SORCS1: variants seen among roughly 807,000 people sequenced by gnomAD.
SORCS1 encodes VPS10 domain-containing receptor SorCS1.
In SORCS1, 60 loss-of-function variants were observed where a neutral mutation model predicts 146.1. That is an observed-to-expected ratio of 0.41 (90% CI 0.33 to 0.51). SORCS1 has a LOEUF of 0.51. Ranked by LOEUF, SORCS1 falls within the 20% of genes least tolerant of loss-of-function variation. The pLI, the probability that SORCS1 is intolerant of heterozygous loss-of-function variation, is 0.21. For synonymous variants in SORCS1, 637 were observed against 584.0 expected, an observed-to-expected ratio of 1.09 and a Z score of -1.31; for missense variants, 1,352 against 1,487.6, an observed-to-expected ratio of 0.91 and a Z score of 1.50.
At chr10:107,102,816 A>G (rs1475180711) in intron 1 of SORCS1, among the ~76,000 whole-genome samples, 1 of 152,226 alleles carries the variant, frequency 6.6e-6, no homozygotes, top group Non-Finnish European at 1.5e-5. Context: ...ATAAAATATA[A>G]TGTAAAAATC....
intron 3 of SORCS1, among the ~76,000 whole-genome samples, chr10:106,796,896 T>A (rs1276824517): frequency 6.6e-6 from 1 of 152,132 alleles, no homozygotes; most frequent in Non-Finnish European, 1.5e-5. Context: ...GATTACGAAG[T>A]CAGAAGATTG....
intron 12 of SORCS1, 61 bp downstream of exon 12, chr10:106,679,195 C>G: frequency 7.3e-7 from 1 of 1,369,354 alleles, no homozygotes; most frequent in South Asian, 1.3e-5. Flanking sequence ...AGATTTGAAC[C>G]AAGCTGGGCA....
At chr10:106,843,493 G>C (rs1231739383) in intron 2 of SORCS1, among the ~76,000 whole-genome samples, 1 of 148,148 alleles carries the variant, frequency 6.8e-6, no homozygotes, top group South Asian at 2.1e-4. Context: ...GTGCAGTGGC[G>C]CGATCTCGGC....
intron 2 of SORCS1, among the ~76,000 whole-genome samples, chr10:106,923,967 T>C (rs1028531111): frequency 6.6e-6 from 1 of 152,190 alleles, no homozygotes; most frequent in Non-Finnish European, 1.5e-5. Context: ...GGCTTTAAAA[T>C]AATAATCTGG....
chr10:107,065,874 G>A (rs769939874), intron 1 of SORCS1, among the ~76,000 whole-genome samples: 1 of 152,078 alleles, frequency 6.6e-6, no homozygotes, highest in Non-Finnish European at 1.5e-5. Context: ...TGCTAAGGAT[G>A]AGTACTATAA....
chr10:107,002,569 A>C (rs949214326), intron 1 of SORCS1, among the ~76,000 whole-genome samples: 2 of 152,352 alleles, frequency 1.3e-5, no homozygotes, highest in Admixed American at 6.5e-5. Flanking sequence ...AAAACCTGGG[A>C]GAATGTAAGA....
chr10:106,829,435 A>G lies in SORCS1; in HGVS notation c.726+139T>C, dbSNP rs114180332. 2.9e-3 allele frequency: 1,729 copies of G among 591,246 alleles called. 20 individuals are homozygous for G. The highest frequency in any genetic ancestry group is 0.027 in the African/African-American group (1,514 of 55,938). 36.6% of individuals were successfully genotyped at this position (591,246 alleles called of 1,614,324 possible). A position where few individuals can be genotyped will look rare whatever the true frequency, so the allele number is the denominator to read the frequency against. ...ATTATGATGTGTCAGACATTTTACA[A>G]TCTTAACATCCATCAACCCATCTTT... On this transcript the variant is annotated intron_variant, in intron 3 of 25. Coordinates refer to ENST00000263054, the MANE Select transcript of SORCS1 (RefSeq NM_052918.5).
At chr10:106,798,912 G>T (rs539046102) in intron 3 of SORCS1, among the ~76,000 whole-genome samples, 1 of 152,104 alleles carries the variant, frequency 6.6e-6, no homozygotes, top group East Asian at 1.9e-4. Flanking sequence ...AAAAGAGCCC[G>T]CATTGCCAAG....
At chr10:107,162,181 C>A (rs536649813) in intron 1 of SORCS1, among the ~76,000 whole-genome samples, 2 of 152,148 alleles carry the variant, frequency 1.3e-5, no homozygotes, top group Non-Finnish European at 2.9e-5. Context: ...CAAGATCTTT[C>A]AAGAGATGAG....
At chr10:107,040,324 G>C (rs534491766) in intron 1 of SORCS1, among the ~76,000 whole-genome samples, 1 of 152,184 alleles carries the variant, frequency 6.6e-6, no homozygotes, top group African/African-American at 2.4e-5. Context: ...AACGTCAGCG[G>C]CAATTTTCCT....
At chr10:107,144,309 T>C (rs982772695) in intron 1 of SORCS1, among the ~76,000 whole-genome samples, 1 of 152,220 alleles carries the variant, frequency 6.6e-6, no homozygotes, top group Admixed American at 6.5e-5. Flanking sequence ...GGAGGACTAT[T>C]TCTGTGTTCT....
At chr10:106,771,285 C>T (rs1238821406) in intron 4 of SORCS1, among the ~76,000 whole-genome samples, 1 of 152,096 alleles carries the variant, frequency 6.6e-6, no homozygotes, top group Non-Finnish European at 1.5e-5. Flanking sequence ...AAATGTTTCC[C>T]AACACATCAT....
At chr10:107,037,629 C>A (rs1958960630) in intron 1 of SORCS1, among the ~76,000 whole-genome samples, 1 of 152,256 alleles carries the variant, frequency 6.6e-6, no homozygotes, top group Non-Finnish European at 1.5e-5. Flanking sequence ...GAATACTGAA[C>A]ATTATATTGT....
intron 2 of SORCS1, 47 bp from the exon 3 acceptor site, chr10:106,829,720 T>C (rs1948458096): frequency 6.8e-7 from 1 of 1,460,490 alleles, no homozygotes; most frequent in Non-Finnish European, 9.5e-7. Context: ...ATATGTCATT[T>C]GGCTGCTTGT....
chr10:106,783,932 T>C (rs1861083487), intron 3 of SORCS1, among the ~76,000 whole-genome samples: 2 of 152,216 alleles, frequency 1.3e-5, no homozygotes, highest in African/African-American at 2.4e-5. Context: ...AAATAAGAAC[T>C]ATTACAGTGT....
chr10:106,641,028 C>T (rs1483135762), intron 18 of SORCS1, among the ~76,000 whole-genome samples: 1 of 152,132 alleles, frequency 6.6e-6, no homozygotes, highest in African/African-American at 2.4e-5. Flanking sequence ...CACAGTGAGT[C>T]TGGGATGGAA....
Position 106,761,573 on chromosome 10 carries a change from T to C in SORCS1, c.959+15A>G, listed in dbSNP as rs754099435. Reference sequence around the variant, plus strand: ...GGTCATATCTTAATGTGCTACAAGATAAAGTGAGACTTACCAGTAGAACCT... The same window carrying C: ...GGTCATATCTTAATGTGCTACAAGACAAAGTGAGACTTACCAGTAGAACCT... On this transcript the variant is annotated intron_variant, in intron 5 of 25. Transcript: ENST00000263054. 1.2e-6 allele frequency: 2 copies of C among 1,611,718 alleles called. No individual in the cohort carries two copies. Among genetic ancestry groups the C allele is most frequent in the Non-Finnish European group, 1.7e-6 (2 of 1,177,772 alleles).
chr10:106,853,237 T>C (rs1304764996), intron 2 of SORCS1, among the ~76,000 whole-genome samples: 4 of 152,188 alleles, frequency 2.6e-5, no homozygotes, highest in African/African-American at 4.8e-5. Context: ...TTCACCTATG[T>C]TATTAAATTT....
At chr10:106,919,257 C>A (rs1952589343) in intron 2 of SORCS1, among the ~76,000 whole-genome samples, 1 of 152,194 alleles carries the variant, frequency 6.6e-6, no homozygotes, top group African/African-American at 2.4e-5. Context: ...TTTGCCAAAC[C>A]TCACACAATA....
Sources: allele counts gnomAD v4.1 joint callset (sites outside exome capture counted in the v4.1 genomes callset), GRCh38; gene constraint gnomAD v4.1.1; transcripts MANE v1.5; gene names NCBI Gene and HGNC (gene_info 2026-07-23, HGNC 2026-07-21).